CD244: variants seen among roughly 807,000 people sequenced by gnomAD.
The protein encoded by CD244 is natural killer cell receptor 2B4.
In CD244, 20 loss-of-function variants were observed where a neutral mutation model predicts 45.5. The observed-to-expected ratio is 0.44, with a 90% confidence interval of 0.31 to 0.64. The LOEUF (loss-of-function observed/expected upper bound fraction) is 0.64, where lower values mean the gene tolerates loss of function less well. CD244 is among the 30% of genes least tolerant of loss of function. CD244 has a pLI of 0.08. For missense variants in CD244, 407 were observed against 426.9 expected (o/e 0.95, Z 0.41); for synonymous variants, 185 against 160.5 (o/e 1.15, Z -1.15).
intron 1 of CD244, among the ~76,000 whole-genome samples, chr1:160,859,325 C>T (rs1049074069): frequency 1.3e-5 from 2 of 152,102 alleles, no homozygotes; most frequent in Admixed American, 6.5e-5. Context: ...CGCCAGGTCA[C>T]GCACCATTGT....
chr1:160,835,670 A>G (rs1669308163), intron 6 of CD244, among the ~76,000 whole-genome samples: 1 of 152,138 alleles, frequency 6.6e-6, no homozygotes, highest in Non-Finnish European at 1.5e-5. Flanking sequence ...ATGACACCAA[A>G]TGCCACCTGT....
intron 8 of CD244, 96 bp from the exon 9 acceptor site, chr1:160,831,523 A>T: frequency 1.1e-6 from 1 of 891,228 alleles, no homozygotes; most frequent in Non-Finnish European, 1.8e-6. Context: ...TTACAGATTT[A>T]AAAAATGAAG....
At chr1:160,849,533 G>C (rs1427704241) in intron 1 of CD244, among the ~76,000 whole-genome samples, 2 of 152,058 alleles carry the variant, frequency 1.3e-5, no homozygotes, top group Non-Finnish European at 2.9e-5. Context: ...CTCCCACTTT[G>C]AGTGAGAACA....
chr1:160,831,225 A>G lies in CD244; in HGVS notation c.*122T>C, dbSNP rs1669102456. ...TTTCAAAACAAAATATAGAACAAGA[A>G]CAAATTTCCATATCCTCTCCAGACT... On this transcript the variant is annotated 3_prime_UTR_variant, in exon 9 of 9. Coordinates refer to ENST00000368034, the MANE Select transcript of CD244 (RefSeq NM_016382.4). 1.4e-6 allele frequency: 1 copy of G among 712,542 alleles called. No individual in the cohort carries two copies. The highest frequency in any genetic ancestry group is 2.5e-6 in the Non-Finnish European group (1 of 404,516). The allele number at this position is 712,542 out of a possible 1,614,324, so 44.1% of individuals were successfully genotyped here.
chr1:160,831,287 A>C lies in CD244; in HGVS notation c.*60T>G, dbSNP rs1669104524. ...TATAGAGACTCCTGTGCCGTCATCC[A>C]CTGTGCCAATTCCCAAAGCAGATGC... On this transcript the variant is annotated 3_prime_UTR_variant, in exon 9 of 9. Transcript: ENST00000368034. 2 of 1,228,694 alleles carry C rather than the reference A, an allele frequency of 1.6e-6. No homozygotes were observed. Among genetic ancestry groups the C allele is most frequent in the South Asian group, 2.4e-5 (2 of 83,206 alleles). 76.1% of individuals were successfully genotyped at this position (1,228,694 alleles called of 1,614,324 possible).
At chr1:160,848,665 C>T (rs1403749535) in intron 1 of CD244, among the ~76,000 whole-genome samples, 1 of 151,914 alleles carries the variant, frequency 6.6e-6, no homozygotes, top group East Asian at 1.9e-4. Flanking sequence ...TTCATCCAGT[C>T]ACATTTCTAC....
In CD244 at chr1:160,862,670, C is replaced by T. The variant is rs753343734; in HGVS notation, c.8G>A (p.Gly3Glu). 16 of 1,613,902 alleles carry T rather than the reference C, an allele frequency of 9.9e-6. No individual in the cohort carries two copies. Among genetic ancestry groups the T allele is most frequent in the Admixed American group, 5.0e-5 (3 of 59,998 alleles). MLGQVVTLILLLL... is the reference protein window; with the variant it reads MLEQVVTLILLLL... Reference sequence around the variant, plus strand: ...GAGGAGTATGAGGGTGACCACTTGCCCCAGCATTTCCACAGGACAGAGGGG... The same window carrying T: ...GAGGAGTATGAGGGTGACCACTTGCTCCAGCATTTCCACAGGACAGAGGGG... Residue 3 changes from glycine (G) to glutamate (E), a missense_variant, in exon 1 of 9, where the codon GGG becomes GAG. Gly to Glu is a moderately conservative substitution (Grantham distance 98, BLOSUM62 -2). Coordinates refer to ENST00000368034, the MANE Select transcript of CD244 (RefSeq NM_016382.4).
intron 6 of CD244, among the ~76,000 whole-genome samples, chr1:160,835,083 T>A (rs1335917947): frequency 6.6e-6 from 1 of 152,024 alleles, no homozygotes; most frequent in African/African-American, 2.4e-5. Context: ...CTGAAGATGG[T>A]GCTCAATTTT....
chr1:160,840,608 C>G (rs1162340205), intron 3 of CD244, among the ~76,000 whole-genome samples: 1 of 152,114 alleles, frequency 6.6e-6, no homozygotes, highest in Non-Finnish European at 1.5e-5. Flanking sequence ...TTTGTTGCCC[C>G]ATTTGGCTAT....
chr1:160,862,540 A>AGGCTCT (rs1436502714), intron 1 of CD244, 77 bp downstream of exon 1: 2 of 1,306,724 alleles, frequency 1.5e-6, no homozygotes, highest in African/African-American at 1.5e-5. Flanking sequence ...GCACAAGCAG[A>AGGCTCT]GGCTCTGGCT....
At chr1:160,831,631 T>C (rs116494687) in intron 8 of CD244, among the ~76,000 whole-genome samples, 94 of 152,362 alleles carry the variant, frequency 6.2e-4, no homozygotes, top group African/African-American at 2.1e-3. Flanking sequence ...CAGTACTCTC[T>C]TAACCACATA....
At chr1:160,860,863 C>T (rs1286357667) in intron 1 of CD244, among the ~76,000 whole-genome samples, 2 of 152,180 alleles carry the variant, frequency 1.3e-5, no homozygotes, top group South Asian at 2.1e-4. Context: ...TTATGCCAGG[C>T]CTGCCCTATA....
Position 160,839,003 on chromosome 1 carries a change from T to C in CD244, c.702A>G (p.Ala234=). ...PFLVIIVILS[A]LFLGTLACFC... ...AGCAGGCAAGGGTGCCAAGGAACAG[T>C]GCGCTTAGAATCACGATGATCACCA... Residue 234 remains alanine, a synonymous_variant, in exon 4 of 9, where the codon GCA becomes GCG. Transcript: ENST00000368034. 4 of 1,614,096 alleles carry C rather than the reference T, an allele frequency of 2.5e-6. No homozygotes were observed. The highest frequency in any genetic ancestry group is 3.4e-6 in the Non-Finnish European group (4 of 1,179,992).
chr1:160,832,631 C>T, intron 7 of CD244, 56 bp from the exon 8 acceptor site: 1 of 1,608,284 alleles, frequency 6.2e-7, no homozygotes, highest in South Asian at 1.1e-5. Flanking sequence ...TCTCCCACTC[C>T]TAAGTGATGT....
chr1:160,847,136 A>C (rs888913480), intron 1 of CD244, among the ~76,000 whole-genome samples: 3 of 152,146 alleles, frequency 2.0e-5, no homozygotes, highest in Non-Finnish European at 4.4e-5. Flanking sequence ...ATCATTATAA[A>C]AGAACCAATT....
intron 7 of CD244, among the ~76,000 whole-genome samples, chr1:160,833,234 G>T (rs191569573): frequency 1.3e-5 from 2 of 152,124 alleles, no homozygotes; most frequent in East Asian, 1.9e-4. Flanking sequence ...TCTCTCTCAC[G>T]ATGGGATCCA....
Position 160,834,073 on chromosome 1 carries a change from G to A in CD244, c.938C>T (p.Ser313Leu). ...CACCTTCCTGGAAGGCTGAATTAAT[G>A]AATATAATGTATATGCAGGTTCTTG... is the stretch of plus-strand genomic sequence containing the variant. ...TSQEPAYTLY[S>L]LIQPSRKSGS... Residue 313 changes from serine (S) to leucine (L), a missense_variant, in exon 7 of 9, where the codon TCA becomes TTA. Ser to Leu is a moderately radical substitution (Grantham distance 145). Coordinates refer to ENST00000368034, the MANE Select transcript of CD244 (RefSeq NM_016382.4). The A allele has an allele frequency of 6.2e-7, 1 of 1,611,874 alleles. No homozygotes were observed. The highest frequency in any genetic ancestry group is 8.5e-7 in the Non-Finnish European group (1 of 1,177,954).
chr1:160,830,326 C>T lies in CD244; in HGVS notation c.*1021G>A, dbSNP rs1669067957. On this transcript the variant is annotated 3_prime_UTR_variant, in exon 9 of 9. Transcript: ENST00000368034. ...TCTCTGAGTAAGTCCTCTCCCAGTT[C>T]ACCCTTGTCGCTTTCCTGGGCTCAG... The T allele has an allele frequency of 6.6e-6, 1 of 152,434 alleles. No homozygotes were observed. Among genetic ancestry groups the T allele is most frequent in the Non-Finnish European group, 1.5e-5 (1 of 68,106 alleles). 9.4% of individuals were successfully genotyped at this position (152,434 alleles called of 1,614,324 possible). A position where few individuals can be genotyped will look rare whatever the true frequency, so the allele number is the denominator to read the frequency against.
intron 3 of CD244, among the ~76,000 whole-genome samples, chr1:160,840,055 A>C (rs1669478494): frequency 7.6e-6 from 1 of 132,076 alleles, no homozygotes; most frequent in Admixed American, 7.6e-5. Context: ...ACTTATTATC[A>C]CCCCCATTTT....
Sources: allele counts gnomAD v4.1 joint callset (sites outside exome capture counted in the v4.1 genomes callset), GRCh38; gene constraint gnomAD v4.1.1; transcripts MANE v1.5; gene names NCBI Gene and HGNC (gene_info 2026-07-23, HGNC 2026-07-21).